Variants in GGPS1 observed in about 807,000 individuals in gnomAD.
GGPS1 encodes geranylgeranyl diphosphate synthase 1.
Under a neutral mutation model 28.1 loss-of-function variants are expected in GGPS1, and 15 were observed. That is an observed-to-expected ratio of 0.53 (90% CI 0.36 to 0.82). The LOEUF is 0.82. Ranked by LOEUF, GGPS1 falls within the 40% of genes least tolerant of loss-of-function variation. The pLI is 0.01. For missense variants in GGPS1, 284 were observed against 348.3 expected, an observed-to-expected ratio of 0.82 and a Z score of 1.47; for synonymous variants, 138 against 122.4, an observed-to-expected ratio of 1.13 and a Z score of -0.84.
rs746434869 is a variant in GGPS1, at chr1:235,342,474, A to G, written c.605A>G (p.Lys202Arg). ...NLHSKEYSEN[K>R]SFCEDLTEGK... ...CACTCCAAAGAATATAGTGAAAACAAAAGTTTTTGTGAAGATCTGACAGAG... is the reference window on the plus strand; with the variant it reads ...CACTCCAAAGAATATAGTGAAAACAGAAGTTTTTGTGAAGATCTGACAGAG... Residue 202 changes from lysine (K) to arginine (R), a missense_variant, in exon 4 of 4, where the codon AAA (lysine) becomes AGA (arginine). Physicochemically the swap from Lys to Arg is conservative, Grantham distance 26 (BLOSUM62 2). Transcript: ENST00000282841. The G allele has an allele frequency of 6.2e-7, 1 of 1,613,750 alleles. No individual in the cohort carries two copies. The highest frequency in any genetic ancestry group is 8.5e-7 in the Non-Finnish European group (1 of 1,179,828).
In GGPS1 at chr1:235,342,772, A is replaced by G. The variant is rs146838609; in HGVS notation, c.903A>G (p.Ter301=). The G allele has an allele frequency of 1.4e-4, 218 of 1,553,448 alleles. No homozygotes were observed. The African/African-American group carries it at 2.7e-3, about 20-fold the overall frequency. The change falls in exon 4 of 4, where the codon TAA becomes TAG. Residue 301 remains the stop codon, a stop_retained_variant. Coordinates refer to ENST00000282841, the MANE Select transcript of GGPS1 (RefSeq NM_004837.4). The part of the protein sequence containing the change: ...LSKMFKEENE[*] The stretch of plus-strand genomic sequence containing the variant: ...AGATGTTCAAAGAAGAAAATGAATA[A>G]TGTTAAGCCATTCTTGATTGGACCT...
intron 1 of GGPS1, among the ~76,000 whole-genome samples, chr1:235,334,020 A>G (rs1400922448): frequency 6.6e-6 from 1 of 152,120 alleles, no homozygotes; most frequent in East Asian, 1.9e-4. Flanking sequence ...GGGAGACCCT[A>G]GGAAGACCAT....
At chr1:235,336,197 C>T (rs1675857338) in intron 2 of GGPS1, among the ~76,000 whole-genome samples, 1 of 152,124 alleles carries the variant, frequency 6.6e-6, no homozygotes, top group South Asian at 2.1e-4. Context: ...TTGAGACCAG[C>T]CTGGCCAACA....
rs1292755530 is a variant in GGPS1 at position 235,344,251 on chromosome 1, A to C, written c.*1479A>C. On this transcript the variant is annotated 3_prime_UTR_variant, in exon 4 of 4. Coordinates refer to ENST00000282841, the MANE Select transcript of GGPS1 (RefSeq NM_004837.4). Reference sequence around the variant, plus strand: ...TTAGAAACATGTTTTGCTTGGTTCTATAGTATGTTACTTAGGATCTATTTA... The same window carrying C: ...TTAGAAACATGTTTTGCTTGGTTCTCTAGTATGTTACTTAGGATCTATTTA... 19 of 166,614 alleles carry C rather than the reference A, an allele frequency of 1.1e-4. No homozygotes were observed. The highest frequency in any genetic ancestry group is 1.5e-5 in the Non-Finnish European group (1 of 68,062). 10.3% of individuals were successfully genotyped at this position (166,614 alleles called of 1,614,324 possible). A position where few individuals can be genotyped will look rare whatever the true frequency, so the allele number is the denominator to read the frequency against.
At chr1:235,330,288 T>C (rs1050329808) in intron 1 of GGPS1, 9 of 152,120 alleles carry the variant, frequency 5.9e-5, no homozygotes, top group African/African-American at 2.2e-4. Context: ...ATCGAGACCA[T>C]CCTGGCTAAC....
intron 2 of GGPS1, among the ~76,000 whole-genome samples, chr1:235,335,749 T>C (rs1675843738): frequency 6.6e-6 from 1 of 152,202 alleles, no homozygotes; most frequent in South Asian, 2.1e-4. Context: ...TAAAAATACT[T>C]AAAACATTTT....
chr1:235,343,001 T>A lies in GGPS1; in HGVS notation c.*229T>A. 2.8e-6 allele frequency: 1 copy of A among 360,152 alleles called. No homozygotes were observed. Among genetic ancestry groups the A allele is most frequent in the Non-Finnish European group, 5.2e-6 (1 of 191,336 alleles). 22.3% of individuals were successfully genotyped at this position (360,152 alleles called of 1,614,324 possible). On this transcript the variant is annotated 3_prime_UTR_variant, in exon 4 of 4. Coordinates refer to ENST00000282841, the MANE Select transcript of GGPS1 (RefSeq NM_004837.4). The stretch of plus-strand genomic sequence containing the variant: ...CACAGTTATGTAGGTCTGATTTGAA[T>A]GTCATAATTGCAGTGACAGGACATT...
chr1:235,342,405 C>T lies in GGPS1; in HGVS notation c.536C>T (p.Thr179Ile), dbSNP rs751563825. 2.5e-6 allele frequency: 4 copies of T among 1,613,774 alleles called. No homozygotes were observed. Among genetic ancestry groups the T allele is most frequent in the Middle Eastern group, 1.6e-4 (1 of 6,084 alleles). ...GAAGATTTAAAACCGCTACTTAATA[C>T]ACTTGGGCTCTTTTTCCAAATTAGG... ...YKEDLKPLLN[T>I]LGLFFQIRDD... Residue 179 changes from threonine to isoleucine, a missense_variant, in exon 4 of 4, where the codon ACA becomes ATA. Transcript: ENST00000282841.
At position 235,342,929 on chromosome 1, in the gene GGPS1, C is replaced by T. The variant is rs887482776; in HGVS notation, c.*157C>T. ...TGAATTCGTTTTCATTTAGAAGCCC[C>T]TCTGTACAGATAATCAAAATTCAAA... is the stretch of plus-strand genomic sequence containing the variant. On this transcript the variant is annotated 3_prime_UTR_variant, in exon 4 of 4. Transcript: ENST00000282841. 3.8e-6 allele frequency: 2 copies of T among 523,562 alleles called. No homozygotes were observed. The highest frequency in any genetic ancestry group is 1.9e-5 in the African/African-American group (1 of 51,428). 32.4% of individuals were successfully genotyped at this position (523,562 alleles called of 1,614,324 possible).
chr1:235,333,900 AT>A (rs1179969995), intron 1 of GGPS1, among the ~76,000 whole-genome samples: 1 of 152,228 alleles, frequency 6.6e-6, no homozygotes, highest in East Asian at 1.9e-4. Context: ...GATAAAAGTA[AT>A]AAACTTCCCA....
At chr1:235,337,866 T>C (rs958766116) in intron 2 of GGPS1, among the ~76,000 whole-genome samples, 9 of 151,990 alleles carry the variant, frequency 5.9e-5, no homozygotes, top group Non-Finnish European at 1.0e-4. Flanking sequence ...TATTTTTATT[T>C]TTAAATTTCT....
chr1:235,338,931 A>C (rs748521285), intron 2 of GGPS1, among the ~76,000 whole-genome samples: 3 of 151,970 alleles, frequency 2.0e-5, no homozygotes, highest in South Asian at 2.1e-4. Flanking sequence ...CGAGAGGCCA[A>C]AGCATGTGGA....
At position 235,335,242 on chromosome 1, in the gene GGPS1, A is replaced by G. The variant is rs376621224; in HGVS notation, c.-23A>G. 41 of 1,271,914 alleles carry G rather than the reference A, an allele frequency of 3.2e-5. No homozygotes were observed. In the African/African-American group the frequency reaches 5.5e-4, roughly 17 times the overall value. 78.8% of individuals were successfully genotyped at this position (1,271,914 alleles called of 1,614,324 possible). On this transcript the variant is annotated splice_region_variant and 5_prime_UTR_variant, in exon 2 of 4. Coordinates refer to ENST00000282841, the MANE Select transcript of GGPS1 (RefSeq NM_004837.4). ...TCTTTATGTTTCTCCTTTTTGACAG[A>G]TTAGCTTTGAAGTTTAAATCCAATG...
chr1:235,332,863 C>T (rs990983058), intron 1 of GGPS1, among the ~76,000 whole-genome samples: 2 of 151,912 alleles, frequency 1.3e-5, no homozygotes, highest in Non-Finnish European at 2.9e-5. Flanking sequence ...GTTACTAGGG[C>T]TGATTTAGAA....
At chr1:235,331,318 C>A (rs1384457122) in intron 1 of GGPS1, among the ~76,000 whole-genome samples, 1 of 152,014 alleles carries the variant, frequency 6.6e-6, no homozygotes, top group Non-Finnish European at 1.5e-5. Context: ...TAAGAACAGA[C>A]TACAAAAAAA....
At chr1:235,333,424 C>G (rs1265738492) in intron 1 of GGPS1, among the ~76,000 whole-genome samples, 5 of 151,912 alleles carry the variant, frequency 3.3e-5, no homozygotes, top group Non-Finnish European at 5.9e-5. Context: ...AAAAAATTAG[C>G]TGGGCGTGGT....
At chr1:235,328,123 G>A (rs1463426975), upstream of GGPS1, 1 of 153,120 alleles carries the variant, frequency 6.5e-6, no homozygotes, top group Non-Finnish European at 1.5e-5. Context: ...AAGCTCAAGA[G>A]TCTCCCTCCG....
intron 2 of GGPS1, among the ~76,000 whole-genome samples, chr1:235,337,561 A>G (rs1406525952): frequency 6.6e-6 from 1 of 152,224 alleles, no homozygotes; most frequent in African/African-American, 2.4e-5. Flanking sequence ...GAGGTGTGCC[A>G]GGTCATTTAT....
chr1:235,342,548 A>G lies in GGPS1; in HGVS notation c.679A>G (p.Ser227Gly). The G allele has an allele frequency of 2.5e-6, 4 of 1,612,278 alleles. No individual in the cohort carries two copies. The highest frequency in any genetic ancestry group is 4.5e-5 in the East Asian group (2 of 44,876). ...TCATGCTATTTGGTCAAGGCCTGAA[A>G]GCACCCAGGTGCAGAATATCTTGCG... ...TIHAIWSRPE[S>G]TQVQNILRQR... The change falls in exon 4 of 4, where the codon AGC becomes GGC. Residue 227 changes from serine (S) to glycine (G), a missense_variant. Coordinates refer to ENST00000282841, the MANE Select transcript of GGPS1 (RefSeq NM_004837.4).
Sources: allele counts gnomAD v4.1 joint callset (sites outside exome capture counted in the v4.1 genomes callset), GRCh38; gene constraint gnomAD v4.1.1; transcripts MANE v1.5; gene names NCBI Gene and HGNC (gene_info 2026-07-23, HGNC 2026-07-21).